ZDHHC13: variants seen among roughly 807,000 people sequenced by gnomAD.
ZDHHC13 encodes palmitoyltransferase ZDHHC13.
In ZDHHC13, 85 loss-of-function variants were observed where a neutral mutation model predicts 86.0. That is an observed-to-expected ratio of 0.99 (90% CI 0.83 to 1.18). The LOEUF is 1.18. Ranked by LOEUF, ZDHHC13 falls within the 50% of genes most tolerant of loss-of-function variation. The pLI is 0.00. For missense variants in ZDHHC13, 711 were observed against 730.2 expected, an observed-to-expected ratio of 0.97 and a Z score of 0.30; for synonymous variants, 263 against 246.4, an observed-to-expected ratio of 1.07 and a Z score of -0.63.
chr11:19,169,804 A>G (rs1032642110), intron 14 of ZDHHC13: 1 of 985,424 alleles, frequency 1.0e-6, no homozygotes, highest in Admixed American at 6.1e-5. Context: ...CTGAGCTGTG[A>G]CCATCTGAAT....
chr11:19,136,084 A>G (rs956510623), intron 1 of ZDHHC13, among the ~76,000 whole-genome samples: 15 of 152,386 alleles, frequency 9.8e-5, no homozygotes, highest in Non-Finnish European at 2.1e-4. Flanking sequence ...AATGACTTTG[A>G]CGAGCTGAGA....
intron 1 of ZDHHC13, among the ~76,000 whole-genome samples, chr11:19,130,537 C>T (rs1848973332): frequency 1.3e-5 from 2 of 152,002 alleles, no homozygotes; most frequent in South Asian, 4.1e-4. Flanking sequence ...TGTATTGTTT[C>T]TCTGTTTTAT....
In ZDHHC13 at chr11:19,152,818, C is replaced by T. The variant is rs114576314; in HGVS notation, c.873+134C>T. 1.4e-3 allele frequency: 1,909 copies of T among 1,378,910 alleles called. 17 individuals are homozygous for T. The African/African-American group carries it at 0.025, about 18-fold the overall frequency. 85.4% of individuals were successfully genotyped at this position (1,378,910 alleles called of 1,614,324 possible). ...ATATCTGCTGACTATATCTTTCCCCCGCATCCTATTACCCAAAGTTGGAAA... is the reference window on the plus strand; with the variant it reads ...ATATCTGCTGACTATATCTTTCCCCTGCATCCTATTACCCAAAGTTGGAAA... On this transcript the variant is annotated intron_variant, in intron 8 of 16. Transcript: ENST00000446113.
intron 15 of ZDHHC13, 83 bp from the exon 16 acceptor site, chr11:19,172,640 T>C: frequency 9.3e-7 from 1 of 1,078,786 alleles, no homozygotes; most frequent in Non-Finnish European, 1.3e-6. Flanking sequence ...TTGAGATAAT[T>C]GCACTGATAC....
intron 7 of ZDHHC13, 96 bp from the exon 8 acceptor site, chr11:19,152,463 T>A: frequency 6.9e-7 from 1 of 1,451,914 alleles, no homozygotes; most frequent in Non-Finnish European, 9.2e-7. Context: ...CTTGGAATAA[T>A]GTGTTGAGTC....
chr11:19,172,393 C>T (rs112301448), intron 15 of ZDHHC13, among the ~76,000 whole-genome samples: 2,449 of 152,214 alleles, frequency 0.016, 76 homozygotes, highest in African/African-American at 0.056. Context: ...TTTAAATAGA[C>T]TATCTCAAAT....
intron 1 of ZDHHC13, among the ~76,000 whole-genome samples, chr11:19,121,791 TAGAA>T (rs1481991316): frequency 1.3e-5 from 2 of 152,190 alleles, no homozygotes; most frequent in Admixed American, 6.5e-5. Flanking sequence ...ACATGAGACT[TAGAA>T]GGAGCTTTAT....
intron 1 of ZDHHC13, among the ~76,000 whole-genome samples, chr11:19,119,230 C>G (rs2133350782): frequency 6.6e-6 from 1 of 152,258 alleles, no homozygotes; most frequent in Non-Finnish European, 1.5e-5. Flanking sequence ...CCTGCCTCAG[C>G]CTGCCGAGTA....
At position 19,142,609 on chromosome 11, in the gene ZDHHC13, C is replaced by T. The variant is rs150445564; in HGVS notation, c.28-369C>T. 1.9e-3 allele frequency among the ~76,000 whole-genome samples: 290 copies of T among 152,280 alleles called. 2 individuals carry two copies. Among genetic ancestry groups the T allele is most frequent in the African/African-American group, 6.7e-3 (277 of 41,562 alleles). ...TCTGCCCACTACAAGTAACAAGGTC[C>T]ATTTGTGCCTTTTCAGATGACCTTT... On this transcript the variant is annotated intron_variant, in intron 1 of 16. Coordinates refer to ENST00000446113, the MANE Select transcript of ZDHHC13 (RefSeq NM_019028.3).
At chr11:19,144,270 A>G (rs1471017919) in intron 2 of ZDHHC13, among the ~76,000 whole-genome samples, 2 of 151,992 alleles carry the variant, frequency 1.3e-5, no homozygotes, top group Non-Finnish European at 2.9e-5. Flanking sequence ...TGCCCATAAA[A>G]CTCTTAAGAT....
chr11:19,164,234 G>A, intron 11 of ZDHHC13, 67 bp from the exon 12 acceptor site: 2 of 1,505,328 alleles, frequency 1.3e-6, no homozygotes, highest in Non-Finnish European at 1.8e-6. Flanking sequence ...TGTGAGAATG[G>A]TGTATAACCA....
chr11:19,132,564 C>T (rs1849025256), intron 1 of ZDHHC13, among the ~76,000 whole-genome samples: 1 of 152,070 alleles, frequency 6.6e-6, no homozygotes, highest in South Asian at 2.1e-4. Flanking sequence ...TTTTTGGAGC[C>T]CCCTTTTTTC....
chr11:19,153,677 A>G (rs1345478197), intron 8 of ZDHHC13, among the ~76,000 whole-genome samples: 1 of 152,100 alleles, frequency 6.6e-6, no homozygotes, highest in East Asian at 1.9e-4. Context: ...CTATATGTTG[A>G]TAACTCCCAT....
intron 16 of ZDHHC13, among the ~76,000 whole-genome samples, chr11:19,174,950 C>G (rs182723850): frequency 2.0e-5 from 3 of 152,210 alleles, no homozygotes; most frequent in Admixed American, 1.3e-4. Context: ...ATTTGAGCCT[C>G]TAGGCAGAGG....
intron 16 of ZDHHC13, among the ~76,000 whole-genome samples, chr11:19,173,603 T>A (rs1157112687): frequency 6.6e-6 from 1 of 152,142 alleles, no homozygotes; most frequent in Non-Finnish European, 1.5e-5. Flanking sequence ...GGGATATAAC[T>A]ACAATGTGTA....
At chr11:19,170,119 T>C (rs1850178754) in intron 14 of ZDHHC13, 2 of 1,201,426 alleles carry the variant, frequency 1.7e-6, no homozygotes, top group Non-Finnish European at 2.1e-6. Context: ...CAGGCTAGTA[T>C]ATCTTATGCT....
intron 14 of ZDHHC13, chr11:19,169,625 C>T (rs1331016728): frequency 2.0e-6 from 2 of 985,422 alleles, no homozygotes; most frequent in East Asian, 2.3e-4. Flanking sequence ...TATGCATGGG[C>T]AGGGTGCCTG....
intron 1 of ZDHHC13, among the ~76,000 whole-genome samples, chr11:19,141,639 C>G (rs1448484508): frequency 6.7e-6 from 1 of 150,028 alleles, no homozygotes; most frequent in African/African-American, 2.4e-5. Flanking sequence ...TATTCATAAT[C>G]CACAGAACGG....
At position 19,117,287 on chromosome 11, in the gene ZDHHC13, C is replaced by T. The variant is rs1848664907; in HGVS notation, c.27+11C>T. On this transcript the variant is annotated intron_variant, in intron 1 of 16. Transcript: ENST00000446113. The surrounding 1 kb of genome is among the most constrained non-coding windows in gnomAD (Gnocchi z 4.2). ...GGGCTGGGCTCGCAGGTGAGTGCGG[C>T]CGGGCGGTGGCTGTCCTGGGGGCCG... The T allele has an allele frequency of 1.4e-6, 2 of 1,472,514 alleles. No homozygotes were observed. The highest frequency in any genetic ancestry group is 1.8e-6 in the Non-Finnish European group (2 of 1,110,870). 91.2% of individuals were successfully genotyped at this position (1,472,514 alleles called of 1,614,324 possible). A position where few individuals can be genotyped will look rare whatever the true frequency, so the allele number is the denominator to read the frequency against.
Sources: gnomAD v4.1 joint callset for allele counts (sites outside exome capture counted in the v4.1 genomes callset) on GRCh38, gnomAD v4.1.1 for gene constraint, Gnocchi (gnomAD v3.1) non-coding constraint, MANE v1.5 for transcripts, NCBI Gene and HGNC (gene_info 2026-07-23, HGNC 2026-07-21) for gene names.